RORA: variants seen among roughly 807,000 people sequenced by gnomAD.
RORA encodes RAR related orphan receptor A.
RORA carries 7 observed loss-of-function variants against 69.5 expected under a neutral mutation model. The observed-to-expected ratio is 0.10, with a 90% CI of 0.06 to 0.19. RORA has a LOEUF of 0.19. RORA is among the 10% of genes least tolerant of loss of function. The pLI is 1.00. For missense variants in RORA, 457 were observed against 663.0 expected, an observed-to-expected ratio of 0.69 and a Z score of 3.41; for synonymous variants, 261 against 240.8, an observed-to-expected ratio of 1.08 and a Z score of -0.78.
At chr15:60,832,057 A>G (rs1280850738) in intron 1 of RORA, among the ~76,000 whole-genome samples, 2 of 152,204 alleles carry the variant, frequency 1.3e-5, no homozygotes, top group African/African-American at 4.8e-5. Flanking sequence ...CAACAAAAAA[A>G]TTTGTATGTT....
intron 1 of RORA, among the ~76,000 whole-genome samples, chr15:60,762,553 A>C (rs2071910839): frequency 6.6e-6 from 1 of 152,052 alleles, no homozygotes; most frequent in African/African-American, 2.4e-5. Context: ...ACACACACAC[A>C]CACCCACGCA....
rs543834369 is a variant in RORA at position 60,684,855 on chromosome 15, C to T, written c.167-6169G>A. Among the ~76,000 whole-genome samples the T allele has an allele frequency of 4.6e-5, 7 of 152,280 alleles. No individual in the cohort carries two copies. The East Asian group carries it at 1.4e-3, about 29-fold the overall frequency. Reference sequence around the variant, plus strand: ...TCTGAAGGCTTTCACAAGATTTATTCTCCCTCCCTGCAAGATGTCTGAGTT... The same window carrying T: ...TCTGAAGGCTTTCACAAGATTTATTTTCCCTCCCTGCAAGATGTCTGAGTT... On this transcript the variant is annotated intron_variant, in intron 1 of 10. Transcript: ENST00000335670.
chr15:60,627,212 A>G, intron 2 of RORA: 3 of 1,611,968 alleles, frequency 1.9e-6, no homozygotes, highest in Non-Finnish European at 2.5e-6. Context: ...CAGCAGAGCA[A>G]AGAACTTGCT....
chr15:61,001,342 A>G (rs1894738886), intron 1 of RORA, among the ~76,000 whole-genome samples: 1 of 152,256 alleles, frequency 6.6e-6, no homozygotes, highest in African/African-American at 2.4e-5. Context: ...ACTATCAACC[A>G]CAAAATAATC....
intron 1 of RORA, among the ~76,000 whole-genome samples, chr15:60,829,562 C>T (rs1382044962): frequency 6.6e-6 from 1 of 152,180 alleles, no homozygotes; most frequent in African/African-American, 2.4e-5. Context: ...GTGACTCCTT[C>T]CAGAGTCATC....
chr15:60,646,746 G>A (rs1415603868), intron 2 of RORA, among the ~76,000 whole-genome samples: 1 of 152,148 alleles, frequency 6.6e-6, no homozygotes, highest in Admixed American at 6.5e-5. Context: ...AGGGTGATGA[G>A]GCTGGATTGC....
intron 1 of RORA, among the ~76,000 whole-genome samples, chr15:60,901,895 G>C (rs1891402687): frequency 6.6e-6 from 1 of 152,174 alleles, no homozygotes; most frequent in Non-Finnish European, 1.5e-5. Context: ...TGAGCTAGTA[G>C]TTCACACGGT....
At chr15:61,035,442 T>A (rs1048946482) in intron 1 of RORA, among the ~76,000 whole-genome samples, 1 of 152,186 alleles carries the variant, frequency 6.6e-6, no homozygotes, top group Non-Finnish European at 1.5e-5. Flanking sequence ...GTACTTCATG[T>A]GGCAAAATAC....
At chr15:60,765,822 A>G (rs2071979622) in intron 1 of RORA, among the ~76,000 whole-genome samples, 3 of 152,058 alleles carry the variant, frequency 2.0e-5, no homozygotes, top group African/African-American at 7.2e-5. Flanking sequence ...TTTTACGTGC[A>G]CTGTGGTTCT....
chr15:60,729,240 T>C (rs1427135519), intron 1 of RORA, among the ~76,000 whole-genome samples: 2 of 152,296 alleles, frequency 1.3e-5, no homozygotes, highest in East Asian at 3.9e-4. Flanking sequence ...AAAACTTCAT[T>C]GACAAAGAGC....
chr15:60,516,225 ATATATATATTTAT>A (rs2065947496), intron 3 of RORA, among the ~76,000 whole-genome samples: 3 of 57,350 alleles, frequency 5.2e-5, no homozygotes, highest in African/African-American at 3.6e-4. Context: ...ATATATATTT[ATATATATATTTAT>A]ATATATATAT....
chr15:61,100,912 T>C (rs990716745), intron 1 of RORA, among the ~76,000 whole-genome samples: 3 of 152,368 alleles, frequency 2.0e-5, no homozygotes, highest in Non-Finnish European at 4.4e-5. Context: ...TGAGAAACTA[T>C]GTACTCAGAC....
intron 1 of RORA, among the ~76,000 whole-genome samples, chr15:60,712,769 G>T (rs374364068): frequency 6.6e-6 from 1 of 152,124 alleles, no homozygotes; most frequent in South Asian, 2.1e-4. Flanking sequence ...TTTCCCTGAC[G>T]CGGGGTTCCC....
In RORA at chr15:61,060,714, T is replaced by C. The variant is rs1037834037; in HGVS notation, c.166+168339A>G. Among the ~76,000 whole-genome samples, 6 of 152,034 alleles carry C rather than the reference T, an allele frequency of 3.9e-5. No homozygotes were observed. In the East Asian group the frequency reaches 7.7e-4, roughly 20 times the overall value. On this transcript the variant is annotated intron_variant, in intron 1 of 10. Transcript: ENST00000335670. ...ACTCTTTCTAGTGAAAGGAGAAAAA[T>C]GGCTGGAATCTTACATCAAGACAAT...
chr15:61,093,599 G>A (rs558487651), intron 1 of RORA, among the ~76,000 whole-genome samples: 2 of 152,250 alleles, frequency 1.3e-5, no homozygotes, highest in Non-Finnish European at 2.9e-5. Flanking sequence ...AGTAACTAAA[G>A]ATGATGGGTC....
At chr15:60,937,148 C>G (rs561321980) in intron 1 of RORA, among the ~76,000 whole-genome samples, 8 of 152,164 alleles carry the variant, frequency 5.3e-5, no homozygotes, top group Non-Finnish European at 1.2e-4. Context: ...AGGCATACAG[C>G]TGGCAAGTGG....
intron 1 of RORA, among the ~76,000 whole-genome samples, chr15:60,784,437 G>T (rs1005951772): frequency 2.0e-5 from 3 of 152,164 alleles, no homozygotes; most frequent in Non-Finnish European, 4.4e-5. Context: ...GGTCCTGCTG[G>T]CATTTCAAAC....
At chr15:61,195,938 A>T (rs1567033018) in intron 1 of RORA, 2 of 152,260 alleles carry the variant, frequency 1.3e-5, no homozygotes, top group Non-Finnish European at 2.9e-5. Flanking sequence ...CCTAATATGT[A>T]CGTGAAAAGC....
intron 1 of RORA, among the ~76,000 whole-genome samples, chr15:60,782,115 C>CTTG (rs1325527965): frequency 1.3e-5 from 2 of 152,128 alleles, no homozygotes; most frequent in Non-Finnish European, 1.5e-5. Context: ...GTCCCAGCTA[C>CTTG]TTGGGAGGCT....
Sources: gnomAD v4.1 joint callset for allele counts (sites outside exome capture counted in the v4.1 genomes callset) on GRCh38, gnomAD v4.1.1 for gene constraint, MANE v1.5 for transcripts, NCBI Gene and HGNC (gene_info 2026-07-23, HGNC 2026-07-21) for gene names.